CTNND2: variants seen among roughly 807,000 people sequenced by gnomAD.
CTNND2 encodes the protein catenin delta-2.
In CTNND2, 22 loss-of-function variants were observed where a neutral mutation model predicts 144.4. The observed-to-expected ratio is 0.15, with a 90% confidence interval of 0.11 to 0.22. CTNND2 has a LOEUF of 0.22. CTNND2 is among the 10% of genes least tolerant of loss of function. The pLI, the probability that CTNND2 is intolerant of heterozygous loss-of-function variation, is 1.00. For synonymous variants in CTNND2, 751 were observed against 695.6 expected, an observed-to-expected ratio of 1.08 and a Z score of -1.25; for missense variants, 1,353 against 1,618.8, an observed-to-expected ratio of 0.84 and a Z score of 2.82.
In CTNND2 at chr5:11,128,855, AAT is replaced by A. The variant is rs773459040; in HGVS notation, c.2160-11290_2160-11289del. Among the ~76,000 whole-genome samples the A allele has an allele frequency of 5.2e-3, 374 of 71,630 alleles. 25 individuals carry two copies. The highest frequency in any genetic ancestry group is 0.042 in the East Asian group (132 of 3,144). 47.0% of individuals were successfully genotyped at this position (71,630 alleles called of 152,430 possible). A position where few individuals can be genotyped will look rare whatever the true frequency, so the allele number is the denominator to read the frequency against. ...ATTATATTAAGTATATAATATATAT[AAT>A]ATATATAATATATAAATATATAATA... On this transcript the variant is annotated intron_variant, in intron 12 of 21. Transcript: ENST00000304623.
chr5:11,451,199 G>A (rs150765183), intron 3 of CTNND2, among the ~76,000 whole-genome samples: 1 of 151,964 alleles, frequency 6.6e-6, no homozygotes, highest in African/African-American at 2.4e-5. Context: ...GGTGTATGTG[G>A]TATCTGTCCC....
Position 11,573,962 on chromosome 5 carries a change from A to G in CTNND2, c.175-8906T>C, listed in dbSNP as rs1777772498. On this transcript the variant is annotated intron_variant, in intron 2 of 21. Transcript: ENST00000304623. ...ACTCCATGAAATTAACAAAGGCTAC[A>G]TGTCTTGGTATTTGAAGATGATGTA... Among the ~76,000 whole-genome samples the G allele has an allele frequency of 2.0e-5, 3 of 152,140 alleles. No homozygotes were observed. The East Asian group carries it at 5.8e-4, about 29-fold the overall frequency.
Position 11,401,817 on chromosome 5 carries a change from A to G in CTNND2, c.440-4614T>C, listed in dbSNP as rs138562104. On this transcript the variant is annotated intron_variant, in intron 5 of 21. Coordinates refer to ENST00000304623, the MANE Select transcript of CTNND2 (RefSeq NM_001332.4). ...CTTCAGAATGTGTGTTCTTAAGCAC[A>G]CTTCATGATTCTGTCACAACAAATT... is the stretch of plus-strand genomic sequence containing the variant. 7.2e-5 allele frequency among the ~76,000 whole-genome samples: 11 copies of G among 152,336 alleles called. No individual in the cohort carries two copies. In the East Asian group the frequency reaches 1.7e-3, roughly 24 times the overall value.
intron 11 of CTNND2, among the ~76,000 whole-genome samples, chr5:11,163,864 T>C (rs1173470577): frequency 6.6e-6 from 1 of 152,204 alleles, no homozygotes; most frequent in African/African-American, 2.4e-5. Flanking sequence ...CCCAACACTT[T>C]CTTTAATTTG....
In CTNND2 at chr5:10,973,982, T is replaced by TAAGA. The variant is rs1358476677; in HGVS notation, c.3418-273_3418-270dup. Among the ~76,000 whole-genome samples, 2 of 152,208 alleles carry TAAGA rather than the reference T, an allele frequency of 1.3e-5. No homozygotes were observed. Among genetic ancestry groups the TAAGA allele is most frequent in the Non-Finnish European group, 2.9e-5 (2 of 68,034 alleles). On this transcript the variant is annotated intron_variant, in intron 21 of 21. Transcript: ENST00000304623. This position sits in a 1 kb window ranked among gnomAD's most constrained non-coding sequence, Gnocchi z 5.6. The stretch of plus-strand genomic sequence containing the variant: ...GCTTGCTTTAAGAAATGTTGAAGTG[T>TAAGA]AAGATTAATTAGGTGGCATTAAGAA...
In CTNND2 at chr5:11,384,881, C is replaced by T. The variant is rs1038105285; in HGVS notation, c.961G>A (p.Val321Met). ...YSTSSPINIV[V>M]SSAGLSPIRV... Reference sequence around the variant, plus strand: ...ATCGGGGACAGGCCGGCCGAGGACACGACGATGTTGATGGGCGAGCTGGTG... The same window carrying T: ...ATCGGGGACAGGCCGGCCGAGGACATGACGATGTTGATGGGCGAGCTGGTG... The change falls in exon 7 of 22, where the codon GTG becomes ATG. Residue 321 changes from valine to methionine, a missense_variant. Coordinates refer to ENST00000304623, the MANE Select transcript of CTNND2 (RefSeq NM_001332.4). The surrounding 1 kb of genome is among the most constrained non-coding windows in gnomAD (Gnocchi z 5.2). 4 of 1,611,590 alleles carry T rather than the reference C, an allele frequency of 2.5e-6. No individual in the cohort carries two copies. Among genetic ancestry groups the T allele is most frequent in the African/African-American group, 1.3e-5 (1 of 74,838 alleles).
At chr5:11,758,046 T>C (rs2030288828) in intron 1 of CTNND2, among the ~76,000 whole-genome samples, 1 of 151,970 alleles carries the variant, frequency 6.6e-6, no homozygotes, top group South Asian at 2.1e-4. Context: ...TTGGATGTAA[T>C]AGTTCTTTTG....
rs191309173 is a variant in CTNND2 at position 11,110,948 on chromosome 5, G to A, written c.2373C>T (p.Asp791=). ...QGQHMGTDEL[D]GLLCGEANGK... The stretch of plus-strand genomic sequence containing the variant: ...CATTGGCCTCGCCACAGAGTAGCCC[G>A]TCCAGCTCGTCCGTGCCCATGTGCT... Residue 791 remains aspartate (D), a synonymous_variant, in exon 14 of 22, where the codon GAC becomes GAT. Transcript: ENST00000304623. 4.0e-5 allele frequency: 64 copies of A among 1,614,102 alleles called. No homozygotes were observed. Among genetic ancestry groups the A allele is most frequent in the East Asian group, 3.1e-4 (14 of 44,878 alleles).
intron 2 of CTNND2, among the ~76,000 whole-genome samples, chr5:11,603,700 G>C (rs960006751): frequency 6.6e-6 from 1 of 152,148 alleles, no homozygotes; most frequent in African/African-American, 2.4e-5. Flanking sequence ...AAACAGTTCA[G>C]AGAAGTCTAT....
intron 8 of CTNND2, among the ~76,000 whole-genome samples, chr5:11,362,826 C>T (rs190963309): frequency 2.2e-4 from 34 of 152,258 alleles, no homozygotes; most frequent in African/African-American, 5.5e-4. Context: ...GAGCAGGAGA[C>T]GACAAATTTT....
intron 3 of CTNND2, among the ~76,000 whole-genome samples, chr5:11,526,837 C>T (rs931206127): frequency 6.6e-6 from 1 of 152,078 alleles, no homozygotes; most frequent in African/African-American, 2.4e-5. Flanking sequence ...GAAGGACCCA[C>T]GTGTCCATCA....
rs1415896647 is a variant in CTNND2 at position 11,098,931 on chromosome 5, C to T, written c.2464-183G>A. Among the ~76,000 whole-genome samples the T allele has an allele frequency of 3.3e-5, 5 of 152,150 alleles. No homozygotes were observed. The East Asian group carries it at 9.6e-4, about 29-fold the overall frequency. ...ACTAAAAGTGGAAGCCATTCCTGCC[C>T]AGCGAGAGCTTGGGATCGAGGGTGG... On this transcript the variant is annotated intron_variant, in intron 14 of 21. Coordinates refer to ENST00000304623, the MANE Select transcript of CTNND2 (RefSeq NM_001332.4).
chr5:11,053,521 G>A (rs938710037), intron 16 of CTNND2, among the ~76,000 whole-genome samples: 10 of 152,064 alleles, frequency 6.6e-5, no homozygotes, highest in Non-Finnish European at 1.0e-4. Flanking sequence ...CTTTTCTGGC[G>A]TGCACCATTT....
At chr5:11,522,143 G>A (rs951349905) in intron 3 of CTNND2, among the ~76,000 whole-genome samples, 1 of 152,226 alleles carries the variant, frequency 6.6e-6, no homozygotes, top group African/African-American at 2.4e-5. Flanking sequence ...CTGTTAAATA[G>A]AGAGCACTTA....
chr5:11,264,666 A>G (rs1319127618), intron 9 of CTNND2, among the ~76,000 whole-genome samples: 1 of 152,222 alleles, frequency 6.6e-6, no homozygotes, highest in Admixed American at 6.5e-5. Context: ...GTGGTGGCTC[A>G]TGCCTATAAT....
At chr5:11,802,883 C>G (rs1030924803) in intron 1 of CTNND2, among the ~76,000 whole-genome samples, 1 of 152,162 alleles carries the variant, frequency 6.6e-6, no homozygotes, top group Non-Finnish European at 1.5e-5. Context: ...TTCTTAAAAA[C>G]TTATAGCAGC....
At chr5:11,858,241 T>C (rs914347985) in intron 1 of CTNND2, among the ~76,000 whole-genome samples, 7 of 152,228 alleles carry the variant, frequency 4.6e-5, no homozygotes, top group Admixed American at 2.0e-4. Context: ...ATTTAGTTAA[T>C]AACAAAAATA....
At chr5:11,485,376 C>T (rs32606) in intron 3 of CTNND2, among the ~76,000 whole-genome samples, 36,889 of 82,152 alleles carry the variant, frequency 0.45, 7,389 homozygotes, top group African/African-American at 0.67. Context: ...TGTGTGTGTG[C>T]GCGCGCGCGC....
chr5:11,464,201 C>A, intron 3 of CTNND2, among the ~76,000 whole-genome samples: 1 of 152,170 alleles, frequency 6.6e-6, no homozygotes, highest in East Asian at 1.9e-4. Context: ...AAAATTCTTC[C>A]ATTTGTAGTT....
Sources: allele counts gnomAD v4.1 joint callset (sites outside exome capture counted in the v4.1 genomes callset), GRCh38; gene constraint gnomAD v4.1.1; non-coding constraint Gnocchi (gnomAD v3.1); transcripts MANE v1.5; gene names NCBI Gene and HGNC (gene_info 2026-07-23, HGNC 2026-07-21).